The following TNFRSF13B variants were observed in gnomAD, a reference collection of about 807,000 sequenced individuals.
TNFRSF13B encodes TNF receptor superfamily member 13B.
TNFRSF13B carries 34 observed loss-of-function variants against 24.0 expected under a neutral mutation model. The observed-to-expected ratio is 1.41, with a 90% CI of 1.08 to 1.88. The LOEUF (loss-of-function observed/expected upper bound fraction) is 1.88. TNFRSF13B is among the 40% of genes most tolerant of loss of function. The pLI, the probability that TNFRSF13B is intolerant of heterozygous loss-of-function variation, is 0.00. For missense variants in TNFRSF13B, 415 were observed against 380.8 expected (o/e 1.09, Z -0.75); for synonymous variants, 173 against 150.3 (o/e 1.15, Z -1.10).
At chr17:16,960,422 C>A (rs12604041) in intron 1 of TNFRSF13B, among the ~76,000 whole-genome samples, 3,448 of 152,162 alleles carry the variant, frequency 0.023, 187 homozygotes, top group East Asian at 0.22. Context: ...ATAGAAGTAT[C>A]CACAGTGGAA....
chr17:16,959,984 A>T (rs180725908), intron 1 of TNFRSF13B, among the ~76,000 whole-genome samples: 1 of 152,260 alleles, frequency 6.6e-6, no homozygotes, highest in African/African-American at 2.4e-5. Context: ...GCATTACACT[A>T]ATACAAAATT....
intron 1 of TNFRSF13B, among the ~76,000 whole-genome samples, chr17:16,963,605 A>C (rs886718657): frequency 6.6e-6 from 1 of 152,158 alleles, no homozygotes; most frequent in African/African-American, 2.4e-5. Flanking sequence ...GCTGGAGTGC[A>C]GTGGCACCAT....
chr17:16,939,851 G>A, intron 4 of TNFRSF13B, 54 bp from the exon 5 acceptor site: 1 of 1,564,564 alleles, frequency 6.4e-7, no homozygotes, highest in South Asian at 1.2e-5. Flanking sequence ...CACTAGGGTA[G>A]GGGTGACGGT....
intron 1 of TNFRSF13B, among the ~76,000 whole-genome samples, chr17:16,966,882 A>T (rs1253624213): frequency 8.4e-6 from 1 of 119,704 alleles, no homozygotes; most frequent in Non-Finnish European, 1.6e-5. Flanking sequence ...TCTGTCTCCC[A>T]GGCTGGAGTG....
At chr17:16,962,371 G>A (rs2087668412) in intron 1 of TNFRSF13B, among the ~76,000 whole-genome samples, 1 of 152,086 alleles carries the variant, frequency 6.6e-6, no homozygotes, top group Non-Finnish European at 1.5e-5. Context: ...GCTGGGTGTG[G>A]TGGTGCATGC....
intron 1 of TNFRSF13B, among the ~76,000 whole-genome samples, chr17:16,965,491 G>A (rs923244580): frequency 6.6e-5 from 10 of 152,210 alleles, no homozygotes; most frequent in African/African-American, 2.4e-4. Flanking sequence ...CTGGATAAAT[G>A]CTAATCAGTA....
At chr17:16,940,709 G>A in intron 3 of TNFRSF13B, 198 bp from the exon 4 acceptor site, 1 of 1,452,370 alleles carries the variant, frequency 6.9e-7, no homozygotes, top group Non-Finnish European at 9.0e-7. Context: ...CATCCTGGCA[G>A]CAACTTTCTA....
At chr17:16,950,331 G>A (rs559739446) in intron 2 of TNFRSF13B, among the ~76,000 whole-genome samples, 1 of 152,280 alleles carries the variant, frequency 6.6e-6, no homozygotes, top group South Asian at 2.1e-4. Flanking sequence ...TCTTCGTAGG[G>A]TTGTTGGCAG....
chr17:16,968,736 G>A (rs973731358), intron 1 of TNFRSF13B, among the ~76,000 whole-genome samples: 4 of 152,288 alleles, frequency 2.6e-5, no homozygotes, highest in African/African-American at 9.6e-5. Context: ...GTGTTCCAAA[G>A]CAAATCATGA....
At chr17:16,946,166 G>T (rs1402958977) in intron 3 of TNFRSF13B, among the ~76,000 whole-genome samples, 1 of 152,248 alleles carries the variant, frequency 6.6e-6, no homozygotes, top group Admixed American at 6.5e-5. Flanking sequence ...GCTAAGCAGG[G>T]ACAACAGGGT....
chr17:16,954,119 G>A (rs1396531562), intron 1 of TNFRSF13B, among the ~76,000 whole-genome samples: 2 of 152,244 alleles, frequency 1.3e-5, no homozygotes, highest in Non-Finnish European at 2.9e-5. Flanking sequence ...AGGTGGCTGG[G>A]CACCATGGCT....
intron 1 of TNFRSF13B, 97 bp from the exon 2 acceptor site, chr17:16,952,680 CACAG>C (rs1464623852): frequency 1.3e-6 from 2 of 1,566,100 alleles, no homozygotes; most frequent in Non-Finnish European, 1.7e-6. Context: ...CCCACATTCG[CACAG>C]ACAACCTTTC....
Position 16,957,095 on chromosome 17 carries a change from G to A in TNFRSF13B, c.62-4512C>T, listed in dbSNP as rs7219040. On this transcript the variant is annotated intron_variant, in intron 1 of 4. Coordinates refer to ENST00000261652, the MANE Select transcript of TNFRSF13B (RefSeq NM_012452.3). ...ATGTTGCTAGTTGAGGAGGCTGTGC[G>A]GGGGGATGTGGACAGGGATGTGGGA... Among the ~76,000 whole-genome samples the A allele has an allele frequency of 5.7e-5, 8 of 141,406 alleles. No homozygotes were observed. The South Asian group carries it at 1.8e-3, about 32-fold the overall frequency. The allele number at this position is 141,406 out of a possible 152,430, so 92.8% of individuals were successfully genotyped here. A position where few individuals can be genotyped will look rare whatever the true frequency, so the allele number is the denominator to read the frequency against.
At chr17:16,942,188 C>T (rs2087515689) in intron 3 of TNFRSF13B, among the ~76,000 whole-genome samples, 1 of 152,162 alleles carries the variant, frequency 6.6e-6, no homozygotes, top group Non-Finnish European at 1.5e-5. Flanking sequence ...CGTTGCACAG[C>T]ATCTGCCGTT....
chr17:16,946,008 A>C (rs1331084049), intron 3 of TNFRSF13B, among the ~76,000 whole-genome samples: 1 of 152,208 alleles, frequency 6.6e-6, no homozygotes, highest in Non-Finnish European at 1.5e-5. Context: ...TTGTCCCAGG[A>C]GGAGGATGAG....
chr17:16,958,215 A>G (rs1020501770), intron 1 of TNFRSF13B, among the ~76,000 whole-genome samples: 10 of 152,132 alleles, frequency 6.6e-5, no homozygotes, highest in African/African-American at 2.4e-4. Context: ...TCCCCAAGAA[A>G]ATAACTAAAA....
At chr17:16,969,529 TG>T (rs781460035) in intron 1 of TNFRSF13B, among the ~76,000 whole-genome samples, 4 of 152,208 alleles carry the variant, frequency 2.6e-5, no homozygotes, top group Non-Finnish European at 5.9e-5. Flanking sequence ...TAGATTAGCC[TG>T]GGGCTAGGGA....
At position 16,939,594 on chromosome 17, in the gene TNFRSF13B, G is replaced by C; in HGVS notation, c.835C>G (p.Leu279Val). Residue 279 changes from leucine to valine, a missense_variant, in exon 5 of 5, where the codon CTT becomes GTT. Leu to Val is a conservative substitution (Grantham distance 32). Coordinates refer to ENST00000261652, the MANE Select transcript of TNFRSF13B (RefSeq NM_012452.3). Reference sequence around the variant, plus strand: ...TGGGCAGGCACACACACAATGCCAAGGCCACTGTCTGGGATGTGTGGGCAA... The same window carrying C: ...TGGGCAGGCACACACACAATGCCAACGCCACTGTCTGGGATGTGTGGGCAA... ...QPCPHIPDSG[L>V]GIVCVPAQEG... The C allele has an allele frequency of 6.2e-7, 1 of 1,613,520 alleles. No individual in the cohort carries two copies. Among genetic ancestry groups the C allele is most frequent in the Non-Finnish European group, 8.5e-7 (1 of 1,179,772 alleles).
At chr17:16,954,255 C>T (rs909121583) in intron 1 of TNFRSF13B, among the ~76,000 whole-genome samples, 6 of 152,118 alleles carry the variant, frequency 3.9e-5, no homozygotes, top group African/African-American at 9.7e-5. Flanking sequence ...AAATTAGCCA[C>T]GTGCTGTAGT....
Sources: allele counts gnomAD v4.1 joint callset (sites outside exome capture counted in the v4.1 genomes callset), GRCh38; gene constraint gnomAD v4.1.1; transcripts MANE v1.5; gene names NCBI Gene and HGNC (gene_info 2026-07-23, HGNC 2026-07-21).